Variants in POLR1A observed in about 807,000 individuals in gnomAD.
POLR1A encodes the protein DNA-directed RNA polymerase I subunit RPA1.
Under a neutral mutation model 205.3 loss-of-function variants are expected in POLR1A, and 84 were observed. The observed-to-expected ratio is 0.41, with a 90% CI of 0.34 to 0.49. The LOEUF is 0.49. POLR1A is among the 20% of genes least tolerant of loss of function. The pLI, the probability that POLR1A is intolerant of heterozygous loss-of-function variation, is 0.22. For synonymous variants in POLR1A, 799 were observed against 863.7 expected (o/e 0.93, Z 1.31); for missense variants, 1,645 against 2,204.5 (o/e 0.75, Z 5.08).
chr2:86,030,612 G>A (rs985199295), intron 30 of POLR1A, among the ~76,000 whole-genome samples: 1 of 152,298 alleles, frequency 6.6e-6, no homozygotes, highest in Middle Eastern at 3.4e-3. Flanking sequence ...AAACAGTGGG[G>A]TTGTTTTCAC....
intron 16 of POLR1A, among the ~76,000 whole-genome samples, chr2:86,049,472 A>C (rs1294139698): frequency 6.6e-6 from 1 of 152,212 alleles, no homozygotes; most frequent in African/African-American, 2.4e-5. Flanking sequence ...TCAGGCTCAA[A>C]ATTGGGCTAC....
intron 14 of POLR1A, among the ~76,000 whole-genome samples, chr2:86,060,840 C>A (rs1006884093): frequency 6.6e-6 from 1 of 152,122 alleles, no homozygotes; most frequent in African/African-American, 2.4e-5. Flanking sequence ...TTAGAAACTT[C>A]TGATCATTAG....
Position 86,048,949 on chromosome 2 carries a change from C to A in POLR1A, c.2569G>T (p.Asp857Tyr). Residue 857 changes from aspartate (D) to tyrosine (Y), a missense_variant, in exon 18 of 34, where the codon GAT becomes TAT. Transcript: ENST00000263857. Reference protein sequence around the residue: ...QDAHLGKDQRDFNMIDLKFKE... With the variant: ...QDAHLGKDQRYFNMIDLKFKE... ...AACTTCAGATCAATCATGTTAAAAT[C>A]CCTCTGGTCCTTGCCCAGATGGGCA... is the stretch of plus-strand genomic sequence containing the variant. The A allele has an allele frequency of 6.2e-7, 1 of 1,614,158 alleles. No homozygotes were observed.
At chr2:86,064,880 C>T (rs1447228978) in intron 14 of POLR1A, among the ~76,000 whole-genome samples, 1 of 151,818 alleles carries the variant, frequency 6.6e-6, no homozygotes, top group African/African-American at 2.4e-5. Context: ...CAGGCTGAGG[C>T]GATTCTCTTG....
At chr2:86,092,031 G>A (rs565070280) in intron 3 of POLR1A, among the ~76,000 whole-genome samples, 5 of 152,192 alleles carry the variant, frequency 3.3e-5, no homozygotes, top group Middle Eastern at 3.4e-3. Context: ...CAGGAGAATC[G>A]CTTTAGCCTG....
At chr2:86,081,119 GGTGTGGTGGC>G (rs1287934700) in intron 8 of POLR1A, 141 bp from the exon 9 acceptor site, 1 of 756,528 alleles carries the variant, frequency 1.3e-6, no homozygotes, top group African/African-American at 1.7e-5. Context: ...ATTCCGGCTG[GGTGTGGTGGC>G]TTAAGCCTGT....
intron 31 of POLR1A, among the ~76,000 whole-genome samples, chr2:86,029,076 T>C (rs1419154733): frequency 6.6e-6 from 1 of 152,290 alleles, no homozygotes. Context: ...CAGCGACACA[T>C]TACACACCCC....
chr2:86,045,672 G>A lies in POLR1A; in HGVS notation c.2831C>T (p.Thr944Ile). The change falls in exon 20 of 34, where the codon ACC becomes ATC. Residue 944 changes from threonine to isoleucine, a missense_variant. Physicochemically the swap from Thr to Ile is moderately conservative, Grantham distance 89. Around this residue, in one of 16 missense-constraint regions of POLR1A, gnomAD observed 339 missense variants for 415.1 expected, o/e 0.82. Coordinates refer to ENST00000263857, the MANE Select transcript of POLR1A (RefSeq NM_015425.6). Reference sequence around the variant, plus strand: ...AGTGACAAAGCCACCAGCCCTGGGGGTGAACTCATAAGGCTCAAAGCAGGG... The same window carrying A: ...AGTGACAAAGCCACCAGCCCTGGGGATGAACTCATAAGGCTCAAAGCAGGG... The part of the protein sequence containing the change: ...SLPCFEPYEF[T>I]PRAGGFVTGR... 1.2e-6 allele frequency: 2 copies of A among 1,613,700 alleles called. No homozygotes were observed. The highest frequency in any genetic ancestry group is 1.7e-6 in the Non-Finnish European group (2 of 1,179,884).
intron 31 of POLR1A, 142 bp downstream of exon 31, chr2:86,030,053 TG>T: frequency 1.5e-6 from 1 of 680,128 alleles, no homozygotes; most frequent in East Asian, 2.6e-5. Context: ...ACACTTGGTT[TG>T]GGGAATGTGG....
Position 86,026,662 on chromosome 2 carries a change from C to T in POLR1A, c.*761G>A, listed in dbSNP as rs1000437261. The T allele has an allele frequency of 4.6e-5, 7 of 152,458 alleles. 1 individual carries two copies. The highest frequency in any genetic ancestry group is 1.3e-4 in the Admixed American group (2 of 15,292). The allele number at this position is 152,458 out of a possible 1,614,324, so 9.4% of individuals were successfully genotyped here. A position where few individuals can be genotyped will look rare whatever the true frequency, so the allele number is the denominator to read the frequency against. ...TGACAGCAGAGAAAAGCCAGGCAAC[C>T]TGTTCAATCGCCCCAGCAGTGACCT... is the stretch of plus-strand genomic sequence containing the variant. On this transcript the variant is annotated 3_prime_UTR_variant, in exon 34 of 34. Transcript: ENST00000263857.
At chr2:86,086,260 A>G (rs972408949) in intron 6 of POLR1A, among the ~76,000 whole-genome samples, 1 of 150,958 alleles carries the variant, frequency 6.6e-6, no homozygotes, top group Admixed American at 6.6e-5. Flanking sequence ...GGGTTTCACC[A>G]TGTTGGTCAG....
chr2:86,078,448 TG>T (rs1240994704), intron 9 of POLR1A, among the ~76,000 whole-genome samples, 164 bp from the exon 10 acceptor site: 1 of 152,218 alleles, frequency 6.6e-6, no homozygotes, highest in Non-Finnish European at 1.5e-5. Context: ...AAATCAATCT[TG>T]TAAGTACATG....
At position 86,026,257 on chromosome 2, in the gene POLR1A, G is replaced by C. The variant is rs1672245288; in HGVS notation, c.*1166C>G. 1.3e-5 allele frequency: 2 copies of C among 152,190 alleles called. No homozygotes were observed. Among genetic ancestry groups the C allele is most frequent in the Non-Finnish European group, 2.9e-5 (2 of 68,032 alleles). 9.4% of individuals were successfully genotyped at this position (152,190 alleles called of 1,614,324 possible). A position where few individuals can be genotyped will look rare whatever the true frequency, so the allele number is the denominator to read the frequency against. On this transcript the variant is annotated 3_prime_UTR_variant, in exon 34 of 34. Coordinates refer to ENST00000263857, the MANE Select transcript of POLR1A (RefSeq NM_015425.6). The stretch of plus-strand genomic sequence containing the variant: ...GCACAGGAAGAGGGACCCAAGACCT[G>C]ACTGTGCCAAGAAAATCCCCGCCCT...
intron 2 of POLR1A, among the ~76,000 whole-genome samples, chr2:86,099,730 A>G (rs1673779113): frequency 6.6e-6 from 1 of 152,180 alleles, no homozygotes. Flanking sequence ...CCCTCCACGC[A>G]AACGGAATCA....
intron 25 of POLR1A, among the ~76,000 whole-genome samples, chr2:86,039,671 C>T (rs1012542270): frequency 2.0e-5 from 3 of 152,212 alleles, no homozygotes; most frequent in African/African-American, 7.2e-5. Flanking sequence ...CTGGAGGGCC[C>T]ACTCCTTGTG....
At position 86,052,974 on chromosome 2, in the gene POLR1A, G is replaced by C. The variant is rs760903632; in HGVS notation, c.2235C>G (p.Leu745=). 1 of 1,593,944 alleles carries C rather than the reference G, an allele frequency of 6.3e-7. No individual in the cohort carries two copies. The highest frequency in any genetic ancestry group is 8.5e-7 in the Non-Finnish European group (1 of 1,170,410). ...SQVIIREGEL[L]CGVLDKAHYG... The stretch of plus-strand genomic sequence containing the variant: ...AGTGCGCCTTGTCCAGCACTCCGCA[G>C]AGCAGCTCCCCTTCCCTGATGATCA... Residue 745 remains leucine, a synonymous_variant, in exon 16 of 34, where the codon CTC becomes CTG. Transcript: ENST00000263857.
chr2:86,041,303 TGTCC>T (rs1672602575), intron 24 of POLR1A, among the ~76,000 whole-genome samples: 1 of 150,004 alleles, frequency 6.7e-6, no homozygotes, highest in African/African-American at 2.5e-5. Flanking sequence ...TGTGTGTGTC[TGTCC>T]TAGTCCAAGC....
intron 26 of POLR1A, 146 bp from the exon 27 acceptor site, chr2:86,039,003 G>A (rs143637357): frequency 1.2e-4 from 92 of 737,046 alleles, no homozygotes; most frequent in African/African-American, 1.1e-3. Flanking sequence ...GAGCTATACT[G>A]GTGTGGATCT....
At chr2:86,081,817 T>C (rs1673408332) in intron 7 of POLR1A, 111 bp from the exon 8 acceptor site, 2 of 657,834 alleles carry the variant, frequency 3.0e-6, no homozygotes, top group Non-Finnish European at 5.3e-6. Flanking sequence ...TACAAGATAA[T>C]ATGTAGAGTT....
Sources: gnomAD v4.1 joint callset for allele counts (sites outside exome capture counted in the v4.1 genomes callset) on GRCh38, gnomAD v4.1.1 for gene constraint, gnomAD v4.1.1 regional missense constraint, MANE v1.5 for transcripts, NCBI Gene and HGNC (gene_info 2026-07-23, HGNC 2026-07-21) for gene names.